Variants in AK5 observed in about 807,000 individuals in gnomAD.
The protein encoded by AK5 is adenylate kinase isoenzyme 5.
AK5 carries 27 observed loss-of-function variants against 69.5 expected under a neutral mutation model. The observed-to-expected ratio is 0.39, with a 90% CI of 0.29 to 0.54. AK5 has a LOEUF of 0.54. AK5 is among the 20% of genes least tolerant of loss of function. AK5 has a pLI of 0.71. For missense variants in AK5, 531 were observed against 700.4 expected, an observed-to-expected ratio of 0.76 and a Z score of 2.73; for synonymous variants, 260 against 244.4, an observed-to-expected ratio of 1.06 and a Z score of -0.60.
At chr1:77,381,878 T>C (rs1647659161) in intron 6 of AK5, among the ~76,000 whole-genome samples, 1 of 152,192 alleles carries the variant, frequency 6.6e-6, no homozygotes, top group African/African-American at 2.4e-5. Flanking sequence ...CTAATAAGGA[T>C]GCTAGATAGC....
At position 77,394,273 on chromosome 1, in the gene AK5, A is replaced by G. The variant is rs572580247; in HGVS notation, c.892-16708A>G. The stretch of plus-strand genomic sequence containing the variant: ...AATCTGAATGTGTGCTTTGTGATTC[A>G]TGAATTCTTGTCAGATAAAGAGTAT... On this transcript the variant is annotated intron_variant, in intron 6 of 13. Coordinates refer to ENST00000354567, the MANE Select transcript of AK5 (RefSeq NM_174858.3). 1.9e-4 allele frequency among the ~76,000 whole-genome samples: 29 copies of G among 152,266 alleles called. No homozygotes were observed. In the South Asian group the frequency reaches 5.8e-3, roughly 31 times the overall value.
chr1:77,335,174 T>A (rs1661283789), intron 5 of AK5, among the ~76,000 whole-genome samples: 1 of 152,200 alleles, frequency 6.6e-6, no homozygotes, highest in Non-Finnish European at 1.5e-5. Context: ...ACACAATGAA[T>A]ATGTCTTTGC....
chr1:77,402,730 A>G (rs1475209326), intron 6 of AK5, among the ~76,000 whole-genome samples: 3 of 151,448 alleles, frequency 2.0e-5, no homozygotes, highest in Non-Finnish European at 4.4e-5. Flanking sequence ...AGTCTTTGCT[A>G]TTGTGAATAG....
intron 6 of AK5, among the ~76,000 whole-genome samples, chr1:77,367,579 A>ATGTTATATATGTGTTATATATGTT: frequency 1.9e-5 from 1 of 53,396 alleles, no homozygotes; most frequent in South Asian, 6.5e-4. Context: ...ATATATATAT[A>ATGTTATATATGTGTTATATATGTT]ATATATATGT....
At chr1:77,427,321 C>T (rs1452081701) in intron 8 of AK5, among the ~76,000 whole-genome samples, 1 of 151,966 alleles carries the variant, frequency 6.6e-6, no homozygotes, top group Non-Finnish European at 1.5e-5. Context: ...TGGGAAATCA[C>T]TACAGATCTC....
At chr1:77,516,191 T>C (rs901488110) in intron 10 of AK5, among the ~76,000 whole-genome samples, 18 of 152,246 alleles carry the variant, frequency 1.2e-4, no homozygotes, top group Admixed American at 3.9e-4. Context: ...GAAGACATTA[T>C]GCTAAGTGAA....
chr1:77,535,441 T>A (rs565291179), intron 12 of AK5, among the ~76,000 whole-genome samples: 1 of 152,304 alleles, frequency 6.6e-6, no homozygotes, highest in South Asian at 2.1e-4. Flanking sequence ...GAATGCCACC[T>A]GTGGCTGTTA....
In AK5 at chr1:77,364,304, T is replaced by C. The variant is rs767896129; in HGVS notation, c.891+23736T>C. 3.3e-4 allele frequency among the ~76,000 whole-genome samples: 50 copies of C among 152,206 alleles called. 1 individual carries two copies. The highest frequency in any genetic ancestry group is 6.8e-4 in the Non-Finnish European group (46 of 68,038). On this transcript the variant is annotated intron_variant, in intron 6 of 13. Transcript: ENST00000354567. ...GCACATAGTGATATTTCAGTACATG[T>C]AAGGTGCAATGATCAGATCAGGGTA...
intron 6 of AK5, among the ~76,000 whole-genome samples, chr1:77,377,506 C>A (rs915275856): frequency 6.6e-6 from 1 of 152,186 alleles, no homozygotes; most frequent in Non-Finnish European, 1.5e-5. Flanking sequence ...CCCATGCCAT[C>A]TTTTCTTGCT....
At chr1:77,466,447 T>C (rs543117442) in intron 8 of AK5, among the ~76,000 whole-genome samples, 6 of 152,320 alleles carry the variant, frequency 3.9e-5, no homozygotes, top group African/African-American at 1.4e-4. Flanking sequence ...TTTGTTAATC[T>C]GCCATTGCAC....
intron 6 of AK5, among the ~76,000 whole-genome samples, chr1:77,344,785 G>A (rs989266394): frequency 2.0e-5 from 3 of 150,504 alleles, no homozygotes; most frequent in East Asian, 1.9e-4. Flanking sequence ...GTTCTTTAGC[G>A]GTGATTTCTG....
chr1:77,438,668 A>G (rs936622655), intron 8 of AK5, among the ~76,000 whole-genome samples: 1 of 152,200 alleles, frequency 6.6e-6, no homozygotes, highest in Non-Finnish European at 1.5e-5. Context: ...GACCAAAATG[A>G]AACCAAAATT....
chr1:77,548,898 C>CTTTTT (rs34026852), intron 13 of AK5, among the ~76,000 whole-genome samples: 2 of 87,894 alleles, frequency 2.3e-5, no homozygotes, highest in Non-Finnish European at 4.5e-5. Context: ...TTGCTTTTAG[C>CTTTTT]TTTTTTTTTT....
rs149476667 is a variant in AK5, at chr1:77,496,202, G to T, written c.1147+9850G>T. Among the ~76,000 whole-genome samples, 133 of 152,338 alleles carry T rather than the reference G, an allele frequency of 8.7e-4. 1 individual carries two copies. Among genetic ancestry groups the T allele is most frequent in the African/African-American group, 3.1e-3 (129 of 41,584 alleles). ...GAATTGGCCAAGTGCTAACTGGGAA[G>T]AAAGTGGGGGTGAGCCTAAGGCAAG... On this transcript the variant is annotated intron_variant, in intron 10 of 13. Transcript: ENST00000354567.
chr1:77,359,171 C>T (rs868694638), intron 6 of AK5, among the ~76,000 whole-genome samples: 5 of 151,340 alleles, frequency 3.3e-5, no homozygotes, highest in Non-Finnish European at 7.4e-5. Flanking sequence ...AGAAGAATGG[C>T]GTGAACCTGG....
rs542212755 is a variant in AK5, at chr1:77,557,896, A to AC, written c.1621-700dup. ...ATCCTGTGCTCTACCTACTCATCCC[A>AC]CCCCCCACCGCCCTCTGTTCATCGA... On this transcript the variant is annotated intron_variant, in intron 13 of 13. Coordinates refer to ENST00000354567, the MANE Select transcript of AK5 (RefSeq NM_174858.3). Among the ~76,000 whole-genome samples, 18 of 122,978 alleles carry AC rather than the reference A, an allele frequency of 1.5e-4. No individual in the cohort carries two copies. The South Asian group carries it at 2.3e-3, about 16-fold the overall frequency. 80.7% of individuals were successfully genotyped at this position (122,978 alleles called of 152,430 possible). A position where few individuals can be genotyped will look rare whatever the true frequency, so the allele number is the denominator to read the frequency against.
chr1:77,555,263 G>A (rs568568232), intron 13 of AK5, among the ~76,000 whole-genome samples: 103 of 152,158 alleles, frequency 6.8e-4, no homozygotes, highest in Non-Finnish European at 1.3e-3. Flanking sequence ...GGGTGACAGA[G>A]CAAGACCCTG....
chr1:77,398,279 C>T (rs1363083195), intron 6 of AK5, among the ~76,000 whole-genome samples: 2 of 152,216 alleles, frequency 1.3e-5, no homozygotes, highest in East Asian at 3.9e-4. Flanking sequence ...GGCAGCACAG[C>T]GGGTTTTTTT....
Position 77,489,455 on chromosome 1 carries a change from C to T in AK5, c.1147+3103C>T, listed in dbSNP as rs183416673. Among the ~76,000 whole-genome samples, 101 of 152,304 alleles carry T rather than the reference C, an allele frequency of 6.6e-4. 1 individual carries two copies. Among genetic ancestry groups the T allele is most frequent in the Middle Eastern group, 3.4e-3 (1 of 294 alleles). ...ATTAAGGCCTTAGTTCTAAATATGT[C>T]CTTGACAGGTGGCAGAATGGTATTT... On this transcript the variant is annotated intron_variant, in intron 10 of 13. Transcript: ENST00000354567.
Sources: gnomAD v4.1 joint callset for allele counts (sites outside exome capture counted in the v4.1 genomes callset) on GRCh38, gnomAD v4.1.1 for gene constraint, MANE v1.5 for transcripts, NCBI Gene and HGNC (gene_info 2026-07-23, HGNC 2026-07-21) for gene names.